The following KCNQ5 variants were observed in gnomAD, a reference collection of about 807,000 sequenced individuals.
KCNQ5 encodes the protein potassium voltage-gated channel subfamily Q member 5.
Under a neutral mutation model 98.2 loss-of-function variants are expected in KCNQ5, and 30 were observed. That is an observed-to-expected ratio of 0.31 (90% CI 0.23 to 0.41). The LOEUF (loss-of-function observed/expected upper bound fraction) is 0.41. Ranked by LOEUF, KCNQ5 falls within the 10% of genes least tolerant of loss-of-function variation. The pLI is 1.00. For missense variants in KCNQ5, 835 were observed against 1,182.5 expected, an observed-to-expected ratio of 0.71 and a Z score of 4.31; for synonymous variants, 458 against 449.4, an observed-to-expected ratio of 1.02 and a Z score of -0.24.
intron 5 of KCNQ5, among the ~76,000 whole-genome samples, chr6:73,091,242 T>C (rs1158145458): frequency 6.6e-6 from 1 of 151,982 alleles, no homozygotes; most frequent in Non-Finnish European, 1.5e-5. Flanking sequence ...AAACACCACA[T>C]GTTTTCACTC....
At chr6:72,867,964 C>CTAATAA (rs1416700992) in intron 1 of KCNQ5, among the ~76,000 whole-genome samples, 2 of 150,750 alleles carry the variant, frequency 1.3e-5, no homozygotes, top group African/African-American at 4.9e-5. Flanking sequence ...ACTACTACTA[C>CTAATAA]TACTACTAAT....
chr6:72,779,628 C>T (rs967359508), intron 1 of KCNQ5, among the ~76,000 whole-genome samples: 6 of 151,800 alleles, frequency 4.0e-5, no homozygotes, highest in African/African-American at 1.2e-4. Context: ...TTAAACTAAG[C>T]GGGAGGGTTC....
chr6:72,870,568 T>C lies in KCNQ5; in HGVS notation c.399-133340T>C, dbSNP rs559194088. Among the ~76,000 whole-genome samples the C allele has an allele frequency of 1.3e-5, 2 of 152,266 alleles. 1 individual carries two copies. The highest frequency in any genetic ancestry group is 4.1e-4 in the South Asian group (2 of 4,820). On this transcript the variant is annotated intron_variant, in intron 1 of 13. Transcript: ENST00000370398. Reference sequence around the variant, plus strand: ...ACCCAGCCGGGTGGCATATTTTATGTCTCTTCCATACTGATGTGCCCTATA... The same window carrying C: ...ACCCAGCCGGGTGGCATATTTTATGCCTCTTCCATACTGATGTGCCCTATA...
chr6:72,924,532 A>C (rs1780539713), intron 1 of KCNQ5, among the ~76,000 whole-genome samples: 1 of 152,194 alleles, frequency 6.6e-6, no homozygotes, highest in Non-Finnish European at 1.5e-5. Flanking sequence ...TATTGTCATC[A>C]ACAGCACATC....
At chr6:72,763,021 G>T (rs576193819) in intron 1 of KCNQ5, among the ~76,000 whole-genome samples, 1 of 152,024 alleles carries the variant, frequency 6.6e-6, no homozygotes, top group South Asian at 2.1e-4. Flanking sequence ...TCCAGAATCG[G>T]ATGTTTTCAT....
intron 1 of KCNQ5, among the ~76,000 whole-genome samples, chr6:72,736,100 C>CAT: frequency 6.6e-6 from 1 of 151,898 alleles, no homozygotes. Flanking sequence ...CACACACACA[C>CAT]ACACACACAC....
intron 1 of KCNQ5, among the ~76,000 whole-genome samples, chr6:72,982,487 C>CTTTTTTTTTTTTTTTTTTTTTTTT (rs141947372): frequency 1.7e-5 from 1 of 60,260 alleles, no homozygotes; most frequent in Non-Finnish European, 2.9e-5. Context: ...GCAACCCCTG[C>CTTTTTTTTTTTTTTTTTTTTTTTT]TTTTTTTTTT....
At chr6:72,717,250 G>GAGCC (rs1561939516) in intron 1 of KCNQ5, among the ~76,000 whole-genome samples, 1 of 152,148 alleles carries the variant, frequency 6.6e-6, no homozygotes, top group Non-Finnish European at 1.5e-5. Context: ...AGGAATGGTT[G>GAGCC]AGCCAATCAA....
intron 1 of KCNQ5, among the ~76,000 whole-genome samples, chr6:72,723,464 A>G (rs1430422162): frequency 5.9e-5 from 9 of 152,186 alleles, no homozygotes. Context: ...CAGGAGGAAT[A>G]ATACTGGATA....
At chr6:72,921,915 G>A (rs932439153) in intron 1 of KCNQ5, among the ~76,000 whole-genome samples, 5 of 152,266 alleles carry the variant, frequency 3.3e-5, no homozygotes, top group South Asian at 2.1e-4. Flanking sequence ...AGTTAAGGAT[G>A]TAAAGAAAAA....
intron 3 of KCNQ5, among the ~76,000 whole-genome samples, chr6:73,043,735 A>T (rs1235170292): frequency 6.6e-6 from 1 of 152,170 alleles, no homozygotes; most frequent in East Asian, 1.9e-4. Flanking sequence ...ACCAATTAAA[A>T]ATTGGTTTTG....
intron 10 of KCNQ5, among the ~76,000 whole-genome samples, chr6:73,165,861 C>T (rs1273011115): frequency 6.6e-6 from 1 of 151,790 alleles, no homozygotes. Context: ...AGGAGAATTG[C>T]TTGAACCCGG....
At chr6:72,932,252 T>TTG (rs1364023257) in intron 1 of KCNQ5, among the ~76,000 whole-genome samples, 2 of 151,514 alleles carry the variant, frequency 1.3e-5, no homozygotes, top group Non-Finnish European at 3.0e-5. Flanking sequence ...ATATGTGTGT[T>TTG]TGTGTGTGTG....
At chr6:73,144,955 A>C (rs1582439871) in intron 10 of KCNQ5, among the ~76,000 whole-genome samples, 1 of 152,220 alleles carries the variant, frequency 6.6e-6, no homozygotes, top group African/African-American at 2.4e-5. Context: ...GACAGCCCAC[A>C]TGCAAGAGAC....
chr6:72,759,149 A>G (rs1772124971), intron 1 of KCNQ5, among the ~76,000 whole-genome samples: 1 of 152,190 alleles, frequency 6.6e-6, no homozygotes, highest in African/African-American at 2.4e-5. Flanking sequence ...CCACTGCACA[A>G]CATCCAGAGT....
At chr6:73,184,189 A>C (rs1204840797) in intron 11 of KCNQ5, among the ~76,000 whole-genome samples, 1 of 152,126 alleles carries the variant, frequency 6.6e-6, no homozygotes, top group Non-Finnish European at 1.5e-5. Context: ...TTTCCTCAAA[A>C]TGATATGTTG....
intron 1 of KCNQ5, among the ~76,000 whole-genome samples, chr6:72,915,503 CT>C (rs1426737816): frequency 6.6e-6 from 1 of 152,010 alleles, no homozygotes; most frequent in Non-Finnish European, 1.5e-5. Context: ...AGTAATTTTC[CT>C]GAGTTTTTCC....
Position 73,195,602 on chromosome 6 carries a change from C to A in KCNQ5, c.*188C>A. ...TAGGGATGGCTAAAATTCCAAGGTGCATCGACATTAACCCACTCATTTAGT... is the reference window on the plus strand; with the variant it reads ...TAGGGATGGCTAAAATTCCAAGGTGAATCGACATTAACCCACTCATTTAGT... On this transcript the variant is annotated 3_prime_UTR_variant, in exon 14 of 14. Coordinates refer to ENST00000370398, the MANE Select transcript of KCNQ5 (RefSeq NM_019842.4). 1.4e-6 allele frequency: 1 copy of A among 702,538 alleles called. No homozygotes were observed. The highest frequency in any genetic ancestry group is 2.3e-6 in the Non-Finnish European group (1 of 436,206). The allele number at this position is 702,538 out of a possible 1,614,324, so 43.5% of individuals were successfully genotyped here. A position where few individuals can be genotyped will look rare whatever the true frequency, so the allele number is the denominator to read the frequency against.
At chr6:73,112,219 A>C (rs2150428290) in intron 7 of KCNQ5, among the ~76,000 whole-genome samples, 1 of 152,316 alleles carries the variant, frequency 6.6e-6, no homozygotes, top group East Asian at 1.9e-4. Context: ...GGGAAGTGGA[A>C]GCTACCGAAT....
Sources: gnomAD v4.1 joint callset for allele counts (sites outside exome capture counted in the v4.1 genomes callset) on GRCh38, gnomAD v4.1.1 for gene constraint, MANE v1.5 for transcripts, NCBI Gene and HGNC (gene_info 2026-07-23, HGNC 2026-07-21) for gene names.